Variants in PSD3 observed in about 807,000 individuals in gnomAD.
The protein encoded by PSD3 is PH and SEC7 domain-containing protein 3.
PSD3 carries 49 observed loss-of-function variants against 105.5 expected under a neutral mutation model. The observed-to-expected ratio is 0.46, with a 90% CI of 0.37 to 0.59. The LOEUF (loss-of-function observed/expected upper bound fraction) is 0.59, where lower values mean the gene tolerates loss of function less well. Among genes scored for constraint, PSD3 ranks in the 20% least tolerant of loss-of-function variants. The pLI is 0.00. For missense variants in PSD3, 1,561 were observed against 1,263.8 expected (o/e 1.24, Z -3.57); for synonymous variants, 557 against 457.8 (o/e 1.22, Z -2.77).
In PSD3 at chr8:18,717,970, C is replaced by G. The variant is rs539945623; in HGVS notation, c.2172+47479G>C. On this transcript the variant is annotated intron_variant, in intron 9 of 15. Coordinates refer to ENST00000327040, the MANE Select transcript of PSD3 (RefSeq NM_015310.4). Reference sequence around the variant, plus strand: ...AGTGGGACTGGTGATGGCCAGCTTCCAAGACGGCACCCAGCGGCCTGCCTC... The same window carrying G: ...AGTGGGACTGGTGATGGCCAGCTTCGAAGACGGCACCCAGCGGCCTGCCTC... 2.0e-5 allele frequency among the ~76,000 whole-genome samples: 3 copies of G among 152,268 alleles called. No homozygotes were observed. The East Asian group carries it at 5.8e-4, about 29-fold the overall frequency.
intron 15 of PSD3, among the ~76,000 whole-genome samples, chr8:18,536,388 T>A (rs184685484): frequency 3.1e-4 from 47 of 152,240 alleles, no homozygotes; most frequent in Middle Eastern, 3.4e-3. Flanking sequence ...CTGGCTTGGA[T>A]ATGGTTGTTT....
At chr8:18,768,793 T>A (rs1807245414) in intron 8 of PSD3, among the ~76,000 whole-genome samples, 1 of 151,954 alleles carries the variant, frequency 6.6e-6, no homozygotes, top group Non-Finnish European at 1.5e-5. Context: ...ATGACAGTGC[T>A]GACATTTTTG....
intron 11 of PSD3, among the ~76,000 whole-genome samples, chr8:18,624,936 A>G (rs1022101814): frequency 6.6e-6 from 1 of 151,910 alleles, no homozygotes; most frequent in Non-Finnish European, 1.5e-5. Flanking sequence ...ATGTCTTGCT[A>G]TGTTGCCCAG....
chr8:19,033,676 AG>A (rs921894601), intron 1 of PSD3, among the ~76,000 whole-genome samples: 1 of 149,694 alleles, frequency 6.7e-6, no homozygotes, highest in Non-Finnish European at 1.5e-5. Context: ...GAAGGTTTTT[AG>A]TGGGTTCCTT....
At chr8:18,847,713 G>C (rs1461303014) in intron 4 of PSD3, among the ~76,000 whole-genome samples, 1 of 152,158 alleles carries the variant, frequency 6.6e-6, no homozygotes, top group Non-Finnish European at 1.5e-5. Flanking sequence ...GATATAAACA[G>C]AGCTGGGGCC....
chr8:19,083,812 T>C (rs1367327647), intron 1 of PSD3, among the ~76,000 whole-genome samples: 1 of 152,188 alleles, frequency 6.6e-6, no homozygotes, highest in East Asian at 1.9e-4. Flanking sequence ...TGGAGCTCTA[T>C]TTCTCAAAGT....
intron 12 of PSD3, among the ~76,000 whole-genome samples, chr8:18,599,434 ATT>A (rs1804270124): frequency 6.6e-6 from 1 of 152,152 alleles, no homozygotes. Context: ...TTGAAGAGAT[ATT>A]TGCACCCCAT....
At chr8:19,021,646 A>G (rs531924238) in intron 1 of PSD3, among the ~76,000 whole-genome samples, 2 of 152,054 alleles carry the variant, frequency 1.3e-5, no homozygotes, top group South Asian at 2.1e-4. Context: ...GATTTTGAAT[A>G]AGTTCCATTC....
At chr8:18,669,292 G>C (rs1012162208) in intron 9 of PSD3, among the ~76,000 whole-genome samples, 3 of 152,174 alleles carry the variant, frequency 2.0e-5, no homozygotes, top group Non-Finnish European at 2.9e-5. Context: ...GCTCCCAGTG[G>C]AACATGAAAC....
chr8:18,759,413 C>T (rs567355288), intron 9 of PSD3, among the ~76,000 whole-genome samples: 1 of 152,166 alleles, frequency 6.6e-6, no homozygotes, highest in South Asian at 2.1e-4. Context: ...AAACATTCTG[C>T]AAATTGTGTT....
chr8:18,987,404 C>T (rs1436412523), intron 1 of PSD3, among the ~76,000 whole-genome samples: 1 of 152,184 alleles, frequency 6.6e-6, no homozygotes, highest in East Asian at 1.9e-4. Flanking sequence ...TCTCCTGCCT[C>T]AGCCTCCCAA....
intron 2 of PSD3, among the ~76,000 whole-genome samples, chr8:18,928,975 C>G (rs893240757): frequency 5.9e-5 from 9 of 152,082 alleles, no homozygotes; most frequent in Admixed American, 3.9e-4. Flanking sequence ...GAGCCACCAA[C>G]AAGTCTTTTG....
intron 9 of PSD3, among the ~76,000 whole-genome samples, chr8:18,661,678 T>C (rs1213679823): frequency 6.6e-6 from 1 of 152,194 alleles, no homozygotes; most frequent in African/African-American, 2.4e-5. Flanking sequence ...AATAAGGTTA[T>C]AGGTGAGGGT....
intron 1 of PSD3, among the ~76,000 whole-genome samples, chr8:18,991,731 C>T (rs1825818888): frequency 6.6e-6 from 1 of 152,154 alleles, no homozygotes; most frequent in African/African-American, 2.4e-5. Flanking sequence ...TTTGTCTGAG[C>T]TCTAAAGTAA....
intron 8 of PSD3, among the ~76,000 whole-genome samples, chr8:18,795,533 T>C (rs1322880533): frequency 6.6e-6 from 1 of 152,250 alleles, no homozygotes; most frequent in Non-Finnish European, 1.5e-5. Flanking sequence ...GGCCTGACCT[T>C]GGCCAGCCAC....
chr8:18,741,502 G>C (rs1280506327), intron 9 of PSD3, among the ~76,000 whole-genome samples: 1 of 152,164 alleles, frequency 6.6e-6, no homozygotes, highest in Non-Finnish European at 1.5e-5. Flanking sequence ...AGGAAGAAGA[G>C]TTTAAAAACA....
chr8:18,946,772 G>A (rs963963633), intron 1 of PSD3, among the ~76,000 whole-genome samples: 12 of 151,380 alleles, frequency 7.9e-5, no homozygotes, highest in African/African-American at 2.9e-4. Flanking sequence ...AGGTGCTGGG[G>A]GGAGTGCCGG....
chr8:18,705,225 A>T lies in PSD3; in HGVS notation c.2173-49540T>A, dbSNP rs936028265. 1.3e-5 allele frequency among the ~76,000 whole-genome samples: 2 copies of T among 152,188 alleles called. 1 individual carries two copies. The highest frequency in any genetic ancestry group is 3.9e-4 in the East Asian group (2 of 5,192). ...ATAACAAAAAATGAAAACAATAACA[A>T]TGTCTAAAAATGAGGGACTAGGCCA... On this transcript the variant is annotated intron_variant, in intron 9 of 15. Transcript: ENST00000327040.
intron 9 of PSD3, among the ~76,000 whole-genome samples, chr8:18,663,714 G>A (rs529688123): frequency 6.6e-6 from 1 of 152,312 alleles, no homozygotes; most frequent in African/African-American, 2.4e-5. Context: ...AAAACATTAA[G>A]ATTGCTGCTA....
Sources: allele counts gnomAD v4.1 joint callset (sites outside exome capture counted in the v4.1 genomes callset), GRCh38; gene constraint gnomAD v4.1.1; transcripts MANE v1.5; gene names NCBI Gene and HGNC (gene_info 2026-07-23, HGNC 2026-07-21).